MAGI1: variants seen among roughly 807,000 people sequenced by gnomAD.
The protein encoded by MAGI1 is membrane-associated guanylate kinase, WW and PDZ domain-containing protein 1.
A neutral mutation model predicts 139.9 loss-of-function variants in MAGI1; 58 were observed. That is an observed-to-expected ratio of 0.41 (90% CI 0.34 to 0.52). The LOEUF (loss-of-function observed/expected upper bound fraction) is 0.52, where lower values mean the gene tolerates loss of function less well. Ranked by LOEUF, MAGI1 falls within the 20% of genes least tolerant of loss-of-function variation. MAGI1 has a pLI of 0.12. For missense variants in MAGI1, 1,874 were observed against 1,901.6 expected, an observed-to-expected ratio of 0.99 and a Z score of 0.27; for synonymous variants, 812 against 737.9, an observed-to-expected ratio of 1.10 and a Z score of -1.63.
At chr3:65,612,622 G>A (rs1353396937) in intron 2 of MAGI1, among the ~76,000 whole-genome samples, 1 of 152,060 alleles carries the variant, frequency 6.6e-6, no homozygotes, top group African/African-American at 2.4e-5. Flanking sequence ...ACACAAACTA[G>A]GTAGGGCAAT....
intron 1 of MAGI1, among the ~76,000 whole-genome samples, chr3:65,634,716 A>T (rs1460417533): frequency 1.3e-5 from 2 of 152,362 alleles, no homozygotes; most frequent in Non-Finnish European, 2.9e-5. Context: ...AAGCTTGATT[A>T]GATCTGGAAT....
intron 1 of MAGI1, among the ~76,000 whole-genome samples, chr3:65,693,328 A>G (rs894673819): frequency 6.6e-6 from 1 of 152,218 alleles, no homozygotes; most frequent in African/African-American, 2.4e-5. Flanking sequence ...GACAGAGGCT[A>G]AAACTTGAAA....
chr3:65,742,241 C>T (rs2035336307), intron 1 of MAGI1, among the ~76,000 whole-genome samples: 1 of 152,160 alleles, frequency 6.6e-6, no homozygotes, highest in South Asian at 2.1e-4. Flanking sequence ...TTCAATGAAT[C>T]AGGTTCCCTG....
intron 2 of MAGI1, among the ~76,000 whole-genome samples, chr3:65,575,794 C>A (rs2081150442): frequency 6.6e-6 from 1 of 152,128 alleles, no homozygotes; most frequent in African/African-American, 2.4e-5. Flanking sequence ...AAGTCAGATT[C>A]CTGATGCCAC....
chr3:66,023,896 C>A (rs771520215), intron 1 of MAGI1, among the ~76,000 whole-genome samples: 2 of 152,100 alleles, frequency 1.3e-5, no homozygotes, highest in African/African-American at 4.8e-5. Flanking sequence ...CAGACCAGGG[C>A]CCTGGGACAA....
intron 14 of MAGI1, among the ~76,000 whole-genome samples, chr3:65,389,594 G>A (rs1201106681): frequency 2.6e-5 from 4 of 152,166 alleles, no homozygotes; most frequent in Non-Finnish European, 4.4e-5. Context: ...CTCTTAAATG[G>A]TTTTCTTCAG....
Position 65,530,852 on chromosome 3 carries a change from C to T in MAGI1, c.431-37221G>A, listed in dbSNP as rs1235236184. ...ATATATATATATACACACACACACA[C>T]ACATATATATATATATGGAGAGAGA... On this transcript the variant is annotated intron_variant, in intron 2 of 22. Coordinates refer to ENST00000402939, the MANE Select transcript of MAGI1 (RefSeq NM_001033057.2). 1.0e-3 allele frequency among the ~76,000 whole-genome samples: 129 copies of T among 123,034 alleles called. 7 individuals carry two copies. Among genetic ancestry groups the T allele is most frequent in the Admixed American group, 2.3e-3 (27 of 11,504 alleles). The allele number at this position is 123,034 out of a possible 152,430, so 80.7% of individuals were successfully genotyped here. A position where few individuals can be genotyped will look rare whatever the true frequency, so the allele number is the denominator to read the frequency against.
intron 1 of MAGI1, among the ~76,000 whole-genome samples, chr3:65,791,885 C>T (rs1300079899): frequency 6.6e-6 from 1 of 152,088 alleles, no homozygotes; most frequent in African/African-American, 2.4e-5. Context: ...AATGCAATTG[C>T]CTTCAGGTGC....
At chr3:65,720,938 C>G (rs2032940061) in intron 1 of MAGI1, among the ~76,000 whole-genome samples, 3 of 151,876 alleles carry the variant, frequency 2.0e-5, no homozygotes, top group Non-Finnish European at 4.4e-5. Flanking sequence ...GACGGGGTTT[C>G]ACCATGTTGC....
At chr3:65,713,350 G>T (rs1046908395) in intron 1 of MAGI1, among the ~76,000 whole-genome samples, 1 of 152,182 alleles carries the variant, frequency 6.6e-6, no homozygotes, top group Non-Finnish European at 1.5e-5. Flanking sequence ...GCTCTGGAAA[G>T]AGAGCCTTGT....
intron 1 of MAGI1, among the ~76,000 whole-genome samples, chr3:66,016,851 T>A (rs981094004): frequency 7.9e-5 from 12 of 152,222 alleles, no homozygotes; most frequent in African/African-American, 2.9e-4. Flanking sequence ...GCAGCGTGGA[T>A]GAATCTTGAG....
intron 1 of MAGI1, among the ~76,000 whole-genome samples, chr3:65,954,780 A>G (rs1576243070): frequency 6.6e-6 from 1 of 152,168 alleles, no homozygotes; most frequent in Middle Eastern, 3.4e-3. Flanking sequence ...CCTATAAACC[A>G]CAGGCCCCAA....
Position 66,037,980 on chromosome 3 carries a change from G to A in MAGI1, c.313+16C>T. On this transcript the variant is annotated intron_variant, in intron 1 of 22. Coordinates refer to ENST00000402939, the MANE Select transcript of MAGI1 (RefSeq NM_001033057.2). ...CCTTTTCTCGGGGCGCCCCCCAAAG[G>A]CGCGCCCTGCCTTACCTTGTCTGAC... 1 of 1,532,374 alleles carries A rather than the reference G, an allele frequency of 6.5e-7. No homozygotes were observed. The highest frequency in any genetic ancestry group is 8.8e-7 in the Non-Finnish European group (1 of 1,140,322). 94.9% of individuals were successfully genotyped at this position (1,532,374 alleles called of 1,614,324 possible). A position where few individuals can be genotyped will look rare whatever the true frequency, so the allele number is the denominator to read the frequency against.
chr3:66,000,311 C>A (rs1461969089), intron 1 of MAGI1, among the ~76,000 whole-genome samples: 2 of 152,006 alleles, frequency 1.3e-5, no homozygotes. Flanking sequence ...GCTTGACATT[C>A]CTTCCCCAGA....
chr3:65,389,376 G>A (rs1575586567), intron 14 of MAGI1, among the ~76,000 whole-genome samples: 1 of 152,038 alleles, frequency 6.6e-6, no homozygotes. Flanking sequence ...GGACGCCCCC[G>A]CCAGCCCTTC....
chr3:65,694,450 T>C (rs575756253), intron 1 of MAGI1, among the ~76,000 whole-genome samples: 121 of 150,708 alleles, frequency 8.0e-4, no homozygotes, highest in African/African-American at 2.8e-3. Flanking sequence ...CTAAAAAAAA[T>C]ATGAAGTGTT....
At chr3:65,522,017 G>A (rs2078187544) in intron 2 of MAGI1, among the ~76,000 whole-genome samples, 2 of 152,182 alleles carry the variant, frequency 1.3e-5, no homozygotes, top group African/African-American at 2.4e-5. Context: ...GCAATACAGA[G>A]GGAATACTAT....
intron 1 of MAGI1, among the ~76,000 whole-genome samples, chr3:65,626,221 C>T (rs991127094): frequency 3.9e-5 from 6 of 152,172 alleles, no homozygotes; most frequent in Non-Finnish European, 8.8e-5. Flanking sequence ...TTTTCAGATA[C>T]AGTAACTTTT....
intron 1 of MAGI1, among the ~76,000 whole-genome samples, chr3:65,773,919 T>G (rs2038165823): frequency 6.6e-6 from 1 of 152,134 alleles, no homozygotes; most frequent in Admixed American, 6.5e-5. Context: ...CTGAACAAGG[T>G]ACAAATTAGA....
Sources: allele counts gnomAD v4.1 joint callset (sites outside exome capture counted in the v4.1 genomes callset), GRCh38; gene constraint gnomAD v4.1.1; transcripts MANE v1.5; gene names NCBI Gene and HGNC (gene_info 2026-07-23, HGNC 2026-07-21).